RUNX2: variants seen among roughly 807,000 people sequenced by gnomAD.
RUNX2 encodes runt-related transcription factor 2.
In RUNX2, 10 loss-of-function variants were observed where a neutral mutation model predicts 51.7. That is an observed-to-expected ratio of 0.19 (90% CI 0.12 to 0.33). RUNX2 has a LOEUF of 0.33. RUNX2 is among the 10% of genes least tolerant of loss of function. The pLI is 1.00. For synonymous variants in RUNX2, 276 were observed against 273.6 expected (o/e 1.01, Z -0.09); for missense variants, 562 against 691.3 (o/e 0.81, Z 2.10).
At chr6:45,394,810 C>T (rs1460858404) in intron 2 of RUNX2, among the ~76,000 whole-genome samples, 1 of 152,120 alleles carries the variant, frequency 6.6e-6, no homozygotes, top group Non-Finnish European at 1.5e-5. Context: ...TAAGGGCAGG[C>T]GTTGGTTAAG....
chr6:45,372,027 A>G, intron 2 of RUNX2: 1 of 961,324 alleles, frequency 1.0e-6, no homozygotes, highest in African/African-American at 1.8e-5. Context: ...AGAATATACA[A>G]ATAAAAGTTT....
intron 2 of RUNX2, among the ~76,000 whole-genome samples, chr6:45,384,114 A>T (rs1797297810): frequency 6.6e-6 from 1 of 152,252 alleles, no homozygotes; most frequent in South Asian, 2.1e-4. Context: ...CAAGTTATTC[A>T]ACTGAAAATA....
At chr6:45,336,976 AAC>A (rs1224061182) in intron 2 of RUNX2, among the ~76,000 whole-genome samples, 4 of 151,726 alleles carry the variant, frequency 2.6e-5, no homozygotes, top group South Asian at 2.1e-4. Flanking sequence ...TTGCTGTGAA[AAC>A]AGTGTGATCT....
At chr6:45,445,784 C>T (rs1798978452) in intron 5 of RUNX2, among the ~76,000 whole-genome samples, 1 of 151,582 alleles carries the variant, frequency 6.6e-6, no homozygotes, top group South Asian at 2.1e-4. Context: ...AGTAAGAAAA[C>T]CCCACTGTTC....
intron 2 of RUNX2, among the ~76,000 whole-genome samples, chr6:45,356,570 AT>A (rs556384426): frequency 1.2e-4 from 18 of 147,830 alleles, no homozygotes; most frequent in East Asian, 5.9e-4. Context: ...GCTAATGTTT[AT>A]TTTTTTTTTA....
intron 2 of RUNX2, chr6:45,365,242 T>C: frequency 6.2e-7 from 1 of 1,612,714 alleles, no homozygotes. Flanking sequence ...TAGACTTCCC[T>C]GTACTCCTTC....
chr6:45,419,520 C>A (rs989005228), intron 2 of RUNX2, among the ~76,000 whole-genome samples: 2 of 152,068 alleles, frequency 1.3e-5, no homozygotes, highest in Non-Finnish European at 2.9e-5. Context: ...AGTGTGTGTC[C>A]GAGTGCACAT....
At chr6:45,365,402 A>G (rs1794962387) in intron 2 of RUNX2, 4 of 752,140 alleles carry the variant, frequency 5.3e-6, no homozygotes, top group Non-Finnish European at 8.5e-6. Context: ...AAGTAGAGAA[A>G]ATTTAAATTT....
intron 4 of RUNX2, among the ~76,000 whole-genome samples, chr6:45,435,439 C>G (rs1798655401): frequency 6.6e-6 from 1 of 152,162 alleles, no homozygotes; most frequent in Non-Finnish European, 1.5e-5. Flanking sequence ...CTCACTATAA[C>G]CTCCGCCTCC....
At chr6:45,404,976 A>G (rs1230835076) in intron 2 of RUNX2, among the ~76,000 whole-genome samples, 1 of 152,246 alleles carries the variant, frequency 6.6e-6, no homozygotes, top group African/African-American at 2.4e-5. Flanking sequence ...AAAATTTTTC[A>G]TTGAGAGGAG....
intron 2 of RUNX2, among the ~76,000 whole-genome samples, chr6:45,385,922 C>G (rs1380019032): frequency 6.6e-6 from 1 of 152,046 alleles, no homozygotes; most frequent in Admixed American, 6.6e-5. Flanking sequence ...CCACAGTGCC[C>G]CTTTTTCTTC....
At chr6:45,366,933 C>G (rs1795234569) in intron 2 of RUNX2, among the ~76,000 whole-genome samples, 1 of 152,138 alleles carries the variant, frequency 6.6e-6, no homozygotes, top group Admixed American at 6.6e-5. Flanking sequence ...CCAAATTTAT[C>G]TTCTTAATAT....
chr6:45,422,520 C>A, intron 2 of RUNX2, 73 bp from the exon 3 acceptor site: 1 of 1,335,438 alleles, frequency 7.5e-7, no homozygotes, highest in Non-Finnish European at 1.0e-6. Flanking sequence ...CTCCTTGCCC[C>A]TCATTTCCAC....
At chr6:45,410,699 A>T (rs1484702802) in intron 2 of RUNX2, among the ~76,000 whole-genome samples, 1 of 152,178 alleles carries the variant, frequency 6.6e-6, no homozygotes, top group Non-Finnish European at 1.5e-5. Context: ...TAAGGAGCAC[A>T]CAGTTCTGTG....
At chr6:45,331,640 T>TA (rs1165372418) in intron 2 of RUNX2, among the ~76,000 whole-genome samples, 1 of 151,946 alleles carries the variant, frequency 6.6e-6, no homozygotes, top group Non-Finnish European at 1.5e-5. Context: ...TACAAACTGT[T>TA]AAAGATTTTT....
At chr6:45,413,515 T>C (rs1398163054) in intron 2 of RUNX2, among the ~76,000 whole-genome samples, 3 of 148,566 alleles carry the variant, frequency 2.0e-5, no homozygotes, top group African/African-American at 7.4e-5. Context: ...ACTGCAACAT[T>C]TGCCTCCTGG....
intron 2 of RUNX2, chr6:45,365,161 T>G (rs1794914135): frequency 8.1e-7 from 1 of 1,232,252 alleles, no homozygotes; most frequent in Non-Finnish European, 1.1e-6. Context: ...ATGAATAAAT[T>G]TAAAATAGTA....
chr6:45,445,822 A>T (rs1166302477), intron 5 of RUNX2, among the ~76,000 whole-genome samples: 1 of 54,544 alleles, frequency 1.8e-5, no homozygotes. Context: ...AAGAAGGATG[A>T]GGGGGGCGGG....
chr6:45,338,665 A>G (rs1789122951), intron 2 of RUNX2, among the ~76,000 whole-genome samples: 1 of 152,154 alleles, frequency 6.6e-6, no homozygotes, highest in Non-Finnish European at 1.5e-5. Context: ...ATTTATTTTT[A>G]TACTGGGCAA....
Sources: gnomAD v4.1 joint callset for allele counts (sites outside exome capture counted in the v4.1 genomes callset) on GRCh38, gnomAD v4.1.1 for gene constraint, MANE v1.5 for transcripts, NCBI Gene and HGNC (gene_info 2026-07-23, HGNC 2026-07-21) for gene names.